Variants in SRFBP1 observed in about 807,000 individuals in gnomAD.
SRFBP1 encodes serum response factor binding protein 1, also known as serum response factor-binding protein 1.
Under a neutral mutation model 45.5 loss-of-function variants are expected in SRFBP1, and 47 were observed. The ratio of observed to expected loss-of-function variants is 1.03; its 90% CI spans 0.82 to 1.32. SRFBP1 has a LOEUF of 1.32. Among genes scored for constraint, SRFBP1 ranks in the 40% most tolerant of loss-of-function variants. The pLI is 0.00. For missense variants in SRFBP1, 621 were observed against 484.6 expected (o/e 1.28, Z -2.64); for synonymous variants, 203 against 166.3 (o/e 1.22, Z -1.70).
At chr5:121,966,449 A>T (rs897142776) in intron 1 of SRFBP1, among the ~76,000 whole-genome samples, 1 of 152,222 alleles carries the variant, frequency 6.6e-6, no homozygotes, top group African/African-American at 2.4e-5. Context: ...AAGTAGGTAT[A>T]TAATGGGCAG....
chr5:122,038,856 G>A (rs906906805), intron 2 of SRFBP1, among the ~76,000 whole-genome samples: 9 of 152,074 alleles, frequency 5.9e-5, no homozygotes, highest in Non-Finnish European at 1.3e-4. Context: ...ATCATTAAAC[G>A]TACTTTGGGG....
downstream of SRFBP1, chr5:122,078,074 A>G: frequency 1.6e-6 from 2 of 1,273,964 alleles, no homozygotes; most frequent in Admixed American, 3.5e-5. Context: ...GGAAGGAGAA[A>G]TCTTCAACCA....
intron 2 of SRFBP1, among the ~76,000 whole-genome samples, chr5:122,062,579 T>C (rs1754189925): frequency 6.6e-6 from 1 of 152,046 alleles, no homozygotes; most frequent in Non-Finnish European, 1.5e-5. Context: ...GAGCAGGAGA[T>C]AGAAGCAGGA....
chr5:122,013,523 A>G (rs1482814934), intron 4 of SRFBP1, among the ~76,000 whole-genome samples: 1 of 152,162 alleles, frequency 6.6e-6, no homozygotes, highest in East Asian at 1.9e-4. Flanking sequence ...AAAAAATACT[A>G]ACATTGCAAA....
intron 4 of SRFBP1, among the ~76,000 whole-genome samples, chr5:122,015,515 G>A (rs1753177694): frequency 6.6e-6 from 1 of 152,216 alleles, no homozygotes; most frequent in Non-Finnish European, 1.5e-5. Context: ...GAATGCCTTT[G>A]TAAGACACAC....
downstream of SRFBP1, among the ~76,000 whole-genome samples, chr5:122,031,403 T>C (rs1160959676): frequency 1.3e-5 from 2 of 151,798 alleles, no homozygotes; most frequent in African/African-American, 4.8e-5. Flanking sequence ...AAAAAAGCAA[T>C]AGAAATTCCC....
At chr5:122,020,883 A>G (rs979651734) in intron 6 of SRFBP1, 81 bp downstream of exon 6, 3 of 1,273,096 alleles carry the variant, frequency 2.4e-6, no homozygotes, top group African/African-American at 3.0e-5. Context: ...ATACATGAAG[A>G]GACTATAATT....
chr5:122,078,659 G>T (rs1183655658), downstream of SRFBP1, among the ~76,000 whole-genome samples: 2 of 151,856 alleles, frequency 1.3e-5, no homozygotes, highest in Non-Finnish European at 2.9e-5. Context: ...GGTGCTGGGG[G>T]TGAGAGGGGG....
chr5:121,997,983 T>G (rs1752767962), intron 4 of SRFBP1, among the ~76,000 whole-genome samples: 1 of 151,340 alleles, frequency 6.6e-6, no homozygotes, highest in Non-Finnish European at 1.5e-5. Flanking sequence ...CTCACACCAG[T>G]TAGAATGGCA....
intron 2 of SRFBP1, among the ~76,000 whole-genome samples, chr5:122,041,943 A>G (rs1230931317): frequency 6.6e-6 from 1 of 152,190 alleles, no homozygotes; most frequent in African/African-American, 2.4e-5. Flanking sequence ...TTAAATTTAG[A>G]CAGATATGGT....
At chr5:121,985,934 A>C (rs1024884206) in intron 3 of SRFBP1, among the ~76,000 whole-genome samples, 1 of 152,056 alleles carries the variant, frequency 6.6e-6, no homozygotes, top group East Asian at 1.9e-4. Context: ...TGTAAAGTAG[A>C]TACTTGGATA....
chr5:122,004,524 C>T (rs1367975603), intron 4 of SRFBP1, among the ~76,000 whole-genome samples: 1 of 151,910 alleles, frequency 6.6e-6, no homozygotes, highest in Non-Finnish European at 1.5e-5. Flanking sequence ...AATATTTCCT[C>T]TTTCATTTCT....
At chr5:121,962,591 A>G (rs1319731877) in intron 1 of SRFBP1, among the ~76,000 whole-genome samples, 1 of 152,228 alleles carries the variant, frequency 6.6e-6, no homozygotes, top group African/African-American at 2.4e-5. Flanking sequence ...CGTTTACAGC[A>G]GAACTTCAAT....
downstream of SRFBP1, among the ~76,000 whole-genome samples, chr5:122,030,748 T>C (rs1440063477): frequency 1.3e-5 from 2 of 152,200 alleles, no homozygotes; most frequent in Non-Finnish European, 2.9e-5. Flanking sequence ...AGGGAATTTC[T>C]ATTGCTTTTT....
chr5:121,963,481 C>T (rs932283240), intron 1 of SRFBP1, among the ~76,000 whole-genome samples: 4 of 152,198 alleles, frequency 2.6e-5, no homozygotes, highest in Non-Finnish European at 4.4e-5. Context: ...TTTGTAATGA[C>T]TTTGATGATG....
intron 2 of SRFBP1, among the ~76,000 whole-genome samples, chr5:122,054,348 C>T (rs1192517944): frequency 3.3e-5 from 5 of 152,182 alleles, no homozygotes; most frequent in East Asian, 1.9e-4. Flanking sequence ...TTCCTGGCTC[C>T]GAGCTAAGCC....
chr5:122,008,155 T>C (rs1753016396), intron 4 of SRFBP1, among the ~76,000 whole-genome samples: 2 of 151,904 alleles, frequency 1.3e-5, no homozygotes, highest in African/African-American at 4.8e-5. Context: ...GACCTGATAC[T>C]GGGCTGCCCT....
chr5:122,014,405 A>G (rs1322154766), intron 4 of SRFBP1, among the ~76,000 whole-genome samples: 1 of 152,120 alleles, frequency 6.6e-6, no homozygotes, highest in Non-Finnish European at 1.5e-5. Flanking sequence ...CAGAGCTCCA[A>G]TTTGACAACT....
At chr5:121,966,965 T>G (rs963975352) in intron 1 of SRFBP1, among the ~76,000 whole-genome samples, 9 of 148,016 alleles carry the variant, frequency 6.1e-5, no homozygotes, top group Non-Finnish European at 1.1e-4. Flanking sequence ...TTTTTTTTTT[T>G]TGTATTTTTA....
Sources: gnomAD v4.1 joint callset for allele counts (sites outside exome capture counted in the v4.1 genomes callset) on GRCh38, gnomAD v4.1.1 for gene constraint, MANE v1.5 for transcripts, NCBI Gene and HGNC (gene_info 2026-07-23, HGNC 2026-07-21) for gene names.